FER1L6: variants seen among roughly 807,000 people sequenced by gnomAD.
FER1L6 encodes fer-1-like protein 6.
In FER1L6, 177 loss-of-function variants were observed where a neutral mutation model predicts 219.2. The ratio of observed to expected loss-of-function variants is 0.81; its 90% confidence interval spans 0.71 to 0.91. The LOEUF is 0.91. Among genes scored for constraint, FER1L6 ranks in the 40% least tolerant of loss-of-function variants. The probability of loss-of-function intolerance (pLI) is 0.00; values close to 1 mark genes in which losing one functional copy is unlikely to be tolerated. For missense variants in FER1L6, 2,153 were observed against 2,259.9 expected (o/e 0.95, Z 0.96); for synonymous variants, 768 against 824.3 (o/e 0.93, Z 1.17).
chr8:123,917,827 A>T (rs1389149522), intron 1 of FER1L6, among the ~76,000 whole-genome samples: 1 of 152,232 alleles, frequency 6.6e-6, no homozygotes, highest in African/African-American at 2.4e-5. Context: ...CATTATCAAC[A>T]TACACAGGAA....
At position 124,095,004 on chromosome 8, in the gene FER1L6, C is replaced by T. The variant is rs756747429; in HGVS notation, c.4661C>T (p.Pro1554Leu). The part of the protein sequence containing the change: ...RLVPEHIETR[P>L]LYHKDKPGME... ...GTTCCTGAACACATAGAAACTCGGC[C>T]ACTGTACCACAAGGATAAGCCAGGA... Residue 1554 changes from proline (P) to leucine (L), a missense_variant, in exon 35 of 41, where the codon CCA (proline) becomes CTA (leucine). Physicochemically the swap from Pro to Leu is moderately conservative, Grantham distance 98. Coordinates refer to ENST00000522917, the MANE Select transcript of FER1L6 (RefSeq NM_001039112.2). 2 of 1,614,130 alleles carry T rather than the reference C, an allele frequency of 1.2e-6. No individual in the cohort carries two copies. The highest frequency in any genetic ancestry group is 1.7e-6 in the Non-Finnish European group (2 of 1,180,008).
At chr8:123,979,267 A>G (rs1223149976) in intron 10 of FER1L6, among the ~76,000 whole-genome samples, 4 of 152,146 alleles carry the variant, frequency 2.6e-5, no homozygotes, top group African/African-American at 4.8e-5. Flanking sequence ...GAAGCACTCA[A>G]TTGATAGTTT....
At chr8:123,898,017 G>A (rs1812774879) in intron 1 of FER1L6, among the ~76,000 whole-genome samples, 1 of 151,938 alleles carries the variant, frequency 6.6e-6, no homozygotes, top group African/African-American at 2.4e-5. Context: ...GGATACTTGT[G>A]GTGAGGCATA....
At chr8:124,059,607 C>T (rs1820468045) in intron 22 of FER1L6, among the ~76,000 whole-genome samples, 1 of 152,290 alleles carries the variant, frequency 6.6e-6, no homozygotes, top group East Asian at 1.9e-4. Flanking sequence ...GTTTCATTAA[C>T]CCCAAGTGCA....
chr8:124,005,915 T>C (rs1817635211), intron 13 of FER1L6, among the ~76,000 whole-genome samples: 1 of 152,236 alleles, frequency 6.6e-6, no homozygotes, highest in African/African-American at 2.4e-5. Flanking sequence ...GTTTGTCCTC[T>C]TGTTTTTGAG....
At chr8:123,871,391 G>A (rs917982347) in intron 1 of FER1L6, among the ~76,000 whole-genome samples, 2 of 152,064 alleles carry the variant, frequency 1.3e-5, no homozygotes, top group Non-Finnish European at 2.9e-5. Flanking sequence ...TCTAGGACTG[G>A]TGCAGAAACT....
intron 1 of FER1L6, among the ~76,000 whole-genome samples, chr8:123,885,419 A>G (rs1012881201): frequency 6.6e-6 from 1 of 152,158 alleles, no homozygotes; most frequent in Non-Finnish European, 1.5e-5. Context: ...TCAGAAATGC[A>G]TTTGACCACT....
At chr8:124,016,428 C>T (rs1818202833) in intron 15 of FER1L6, among the ~76,000 whole-genome samples, 2 of 151,778 alleles carry the variant, frequency 1.3e-5, no homozygotes. Context: ...TGATTTTTTT[C>T]ATCAGAAGTG....
At chr8:123,957,244 A>G (rs1815063352) in intron 2 of FER1L6, among the ~76,000 whole-genome samples, 1 of 152,214 alleles carries the variant, frequency 6.6e-6, no homozygotes, top group Non-Finnish European at 1.5e-5. Flanking sequence ...ACTCATTAAC[A>G]CCCAGGTATT....
chr8:123,961,209 G>A (rs371589507), intron 2 of FER1L6, among the ~76,000 whole-genome samples: 2 of 152,122 alleles, frequency 1.3e-5, no homozygotes, highest in East Asian at 1.9e-4. Flanking sequence ...GTAGTGAGCT[G>A]AGATCTTGCC....
intron 18 of FER1L6, among the ~76,000 whole-genome samples, chr8:124,025,431 A>C (rs995761544): frequency 6.6e-6 from 1 of 152,124 alleles, no homozygotes; most frequent in African/African-American, 2.4e-5. Flanking sequence ...TTTATTGATA[A>C]GGCATCCTTT....
At chr8:123,858,325 C>G (rs1005290401) in intron 1 of FER1L6, among the ~76,000 whole-genome samples, 1 of 152,094 alleles carries the variant, frequency 6.6e-6, no homozygotes, top group Non-Finnish European at 1.5e-5. Context: ...ACTTTGAGAT[C>G]TTAGCTAAAA....
chr8:124,015,268 T>A (rs1818133618), intron 15 of FER1L6, among the ~76,000 whole-genome samples: 2 of 152,120 alleles, frequency 1.3e-5, no homozygotes, highest in Non-Finnish European at 1.5e-5. Flanking sequence ...CACAGTGGCA[T>A]GAATTGCAGG....
At position 124,010,830 on chromosome 8, in the gene FER1L6, G is replaced by A. The variant is rs182692225; in HGVS notation, c.1821+116G>A. On this transcript the variant is annotated intron_variant, in intron 14 of 40. Coordinates refer to ENST00000522917, the MANE Select transcript of FER1L6 (RefSeq NM_001039112.2). ...TCAGTTCAAACACAAATAAATTGAGGATGCTGCATTTGGAGGGCACGTGGA... is the reference window on the plus strand; with the variant it reads ...TCAGTTCAAACACAAATAAATTGAGAATGCTGCATTTGGAGGGCACGTGGA... 7,080 of 1,409,500 alleles carry A rather than the reference G, an allele frequency of 5.0e-3. 26 individuals carry two copies. Among genetic ancestry groups the A allele is most frequent in the South Asian group, 7.9e-3 (566 of 71,566 alleles). 87.3% of individuals were successfully genotyped at this position (1,409,500 alleles called of 1,614,324 possible). A position where few individuals can be genotyped will look rare whatever the true frequency, so the allele number is the denominator to read the frequency against.
intron 1 of FER1L6, among the ~76,000 whole-genome samples, chr8:123,920,291 C>T (rs573131796): frequency 1.2e-4 from 19 of 152,298 alleles, no homozygotes; most frequent in African/African-American, 4.6e-4. Flanking sequence ...AAACGAAGTT[C>T]CTGAGAGGCT....
Position 123,937,136 on chromosome 8 carries a change from C to T in FER1L6, c.-7-18856C>T, listed in dbSNP as rs561726260. Among the ~76,000 whole-genome samples, 54 of 152,200 alleles carry T rather than the reference C, an allele frequency of 3.5e-4. 1 individual carries two copies. The East Asian group carries it at 9.9e-3, about 28-fold the overall frequency. On this transcript the variant is annotated intron_variant, in intron 1 of 40. Coordinates refer to ENST00000522917, the MANE Select transcript of FER1L6 (RefSeq NM_001039112.2). The stretch of plus-strand genomic sequence containing the variant: ...GGCCAGGCTGGTCTCGAACTCCAGA[C>T]GTTAAGGTGGTCCGTCCACCTCGCC...
chr8:124,106,871 CA>C (rs1247168065), intron 39 of FER1L6, among the ~76,000 whole-genome samples: 1 of 151,424 alleles, frequency 6.6e-6, no homozygotes, highest in Admixed American at 6.6e-5. Flanking sequence ...ACATAATACT[CA>C]AATATTTATT....
Position 124,045,776 on chromosome 8 carries a change from C to T in FER1L6, c.2599C>T (p.Gln867Ter), listed in dbSNP as rs760166731. ...TGGTCCCTGCTTCCAGATAATCTCC[C>T]AGACCCTCTCTCCGACCTGGAACCA... Reference protein sequence around the residue: ...SHCQTTKIISQTLSPTWNQML... With the variant: ...SHCQTTKIIS Residue 867 changes from glutamine (Q) to a stop codon, truncating the protein, a stop_gained, in exon 21 of 41, where the codon CAG (glutamine) becomes TAG (stop). Transcript: ENST00000522917. LOFTEE classifies it high-confidence loss of function. 6.2e-7 allele frequency: 1 copy of T among 1,614,018 alleles called. No individual in the cohort carries two copies. The highest frequency in any genetic ancestry group is 8.5e-7 in the Non-Finnish European group (1 of 1,179,972).
In FER1L6 at chr8:123,956,108, C is replaced by T. The variant is rs776440776; in HGVS notation, c.76+34C>T. ...GGGGGTGGGGTGCTGACCATTGGGG[C>T]CTGAGAGTCTCGCAGAGTGACCCCT... On this transcript the variant is annotated intron_variant, in intron 2 of 40. Transcript: ENST00000522917. The T allele has an allele frequency of 3.2e-6, 5 of 1,576,746 alleles. No homozygotes were observed. In the South Asian group the frequency reaches 3.4e-5, roughly 11 times the overall value.
Sources: gnomAD v4.1 joint callset for allele counts (sites outside exome capture counted in the v4.1 genomes callset) on GRCh38, gnomAD v4.1.1 for gene constraint, MANE v1.5 for transcripts, NCBI Gene and HGNC (gene_info 2026-07-23, HGNC 2026-07-21) for gene names.